FBXL3: variants seen among roughly 807,000 people sequenced by gnomAD.
FBXL3 encodes the protein F-box and leucine rich repeat protein 3, also known as F-box/LRR-repeat protein 3.
FBXL3 carries 14 observed loss-of-function variants against 37.9 expected under a neutral mutation model. That is an observed-to-expected ratio of 0.37 (90% CI 0.24 to 0.58). The LOEUF (loss-of-function observed/expected upper bound fraction) is 0.58, where lower values mean the gene tolerates loss of function less well. FBXL3 is among the 20% of genes least tolerant of loss of function. The pLI is 0.74. For synonymous variants in FBXL3, 194 were observed against 180.1 expected, an observed-to-expected ratio of 1.08 and a Z score of -0.62; for missense variants, 327 against 511.1, an observed-to-expected ratio of 0.64 and a Z score of 3.47.
chr13:77,018,380 G>A (rs1438251658), intron 3 of FBXL3: 9 of 312,338 alleles, frequency 2.9e-5, no homozygotes, highest in Admixed American at 1.5e-4. Flanking sequence ...AGACGCCTCT[G>A]TAAATTTCTT....
intron 1 of FBXL3, 83 bp from the exon 2 acceptor site, chr13:77,021,944 A>G: frequency 9.0e-7 from 1 of 1,110,670 alleles, no homozygotes; most frequent in Non-Finnish European, 1.3e-6. Context: ...TGTCACTGAG[A>G]TGTGTGTTTA....
At chr13:77,025,108 A>T (rs1334742747) in intron 1 of FBXL3, among the ~76,000 whole-genome samples, 1 of 152,228 alleles carries the variant, frequency 6.6e-6, no homozygotes. Context: ...AATTTACATC[A>T]ATGGACCCTA....
intron 2 of FBXL3, 190 bp from the exon 3 acceptor site, chr13:77,018,912 C>CA: frequency 2.2e-6 from 1 of 454,902 alleles, no homozygotes; most frequent in Non-Finnish European, 3.6e-6. Flanking sequence ...ATCCACCCTC[C>CA]ACCCTCACCT....
intron 4 of FBXL3, chr13:77,008,816 G>C (rs1186989555): frequency 6.6e-6 from 1 of 152,192 alleles, no homozygotes; most frequent in Non-Finnish European, 1.5e-5. Flanking sequence ...GCCTCCCAAA[G>C]TGCTGGGATT....
intron 1 of FBXL3, 112 bp downstream of exon 1, chr13:77,026,715 G>GCCCCCGCGCC (rs2034846823): frequency 9.7e-6 from 1 of 102,950 alleles, no homozygotes; most frequent in Non-Finnish European, 2.0e-5. Flanking sequence ...GCGCGCCCCG[G>GCCCCCGCGCC]CCCCCGCGCC....
intron 1 of FBXL3, among the ~76,000 whole-genome samples, chr13:77,026,615 C>T (rs949040289): frequency 1.5e-4 from 23 of 151,880 alleles, no homozygotes; most frequent in Non-Finnish European, 3.1e-4. Flanking sequence ...TGTTTGGAAG[C>T]AGGCACGGCG....
intron 4 of FBXL3, chr13:77,015,146 TC>T (rs78270440): frequency 0.037 from 9,124 of 248,376 alleles, 282 homozygotes; most frequent in East Asian, 0.11. Flanking sequence ...CCTCATACTG[TC>T]CTTTCCTCTT....
intron 4 of FBXL3, chr13:77,014,943 G>A (rs2034617781): frequency 6.6e-6 from 1 of 152,108 alleles, no homozygotes; most frequent in Admixed American, 6.6e-5. Context: ...ATTCAACTTA[G>A]GAAAAACATC....
rs1325786299 is a variant in FBXL3 at position 77,007,021 on chromosome 13, A to G, written c.*124T>C. ...GTCTTCCGATAAACAATCTTTACAT[A>G]TACTGACTGAAGATATCAAATTTCT... On this transcript the variant is annotated 3_prime_UTR_variant, in exon 5 of 5. Transcript: ENST00000355619. 7 of 1,443,650 alleles carry G rather than the reference A, an allele frequency of 4.8e-6. No individual in the cohort carries two copies. Among genetic ancestry groups the G allele is most frequent in the Non-Finnish European group, 5.4e-6 (6 of 1,105,014 alleles). The allele number at this position is 1,443,650 out of a possible 1,614,324, so 89.4% of individuals were successfully genotyped here. A position where few individuals can be genotyped will look rare whatever the true frequency, so the allele number is the denominator to read the frequency against.
At chr13:77,010,462 T>C (rs1280163568) in intron 4 of FBXL3, 2 of 152,200 alleles carry the variant, frequency 1.3e-5, no homozygotes, top group African/African-American at 2.4e-5. Context: ...CAGCTGAGCA[T>C]ATAAAAGATT....
intron 1 of FBXL3, 110 bp from the exon 2 acceptor site, chr13:77,021,971 G>A: frequency 2.2e-5 from 18 of 821,826 alleles, no homozygotes; most frequent in East Asian, 7.6e-5. Flanking sequence ...CAAACATGCA[G>A]GAAAAACTGG....
chr13:77,013,868 T>C (rs1408060428), intron 4 of FBXL3: 1 of 152,188 alleles, frequency 6.6e-6, no homozygotes, highest in Non-Finnish European at 1.5e-5. Context: ...CAAGTAAGCT[T>C]ATACTATACT....
chr13:77,012,646 T>C (rs1044798297), intron 4 of FBXL3, among the ~76,000 whole-genome samples: 2 of 152,186 alleles, frequency 1.3e-5, no homozygotes, highest in East Asian at 1.9e-4. Flanking sequence ...GTGAGGAAAG[T>C]AGAATACAGT....
At chr13:77,019,503 G>A (rs2034703870) in intron 2 of FBXL3, among the ~76,000 whole-genome samples, 2 of 152,144 alleles carry the variant, frequency 1.3e-5, no homozygotes, top group Admixed American at 1.3e-4. Context: ...TAAAACTAAT[G>A]TGCTAATTAT....
At chr13:77,009,937 G>C (rs2034518606) in intron 4 of FBXL3, 1 of 152,238 alleles carries the variant, frequency 6.6e-6, no homozygotes. Flanking sequence ...AAAGGGATGA[G>C]TTCATGTCCT....
intron 1 of FBXL3, among the ~76,000 whole-genome samples, chr13:77,023,341 AGAGAGT>A (rs1336852197): frequency 3.6e-5 from 5 of 139,676 alleles, no homozygotes; most frequent in African/African-American, 8.7e-5. Context: ...ATGGAGAGAG[AGAGAGT>A]GTGTGTGTGT....
At chr13:77,020,359 G>C (rs186994634) in intron 2 of FBXL3, among the ~76,000 whole-genome samples, 32 of 152,250 alleles carry the variant, frequency 2.1e-4, no homozygotes, top group African/African-American at 7.2e-4. Flanking sequence ...CCTTTGTGCA[G>C]TTTTCTGGGA....
rs2034432970 is a variant in FBXL3 at position 77,005,390 on chromosome 13, G to A, written c.*1755C>T. 6.6e-6 allele frequency: 1 copy of A among 152,480 alleles called. No individual in the cohort carries two copies. The highest frequency in any genetic ancestry group is 2.1e-4 in the South Asian group (1 of 4,826). 9.4% of individuals were successfully genotyped at this position (152,480 alleles called of 1,614,324 possible). Reference sequence around the variant, plus strand: ...TTTTAAGCATTATATAATTCAATTTGTACAAAAAGTAAATTTCCAAATACA... The same window carrying A: ...TTTTAAGCATTATATAATTCAATTTATACAAAAAGTAAATTTCCAAATACA... On this transcript the variant is annotated 3_prime_UTR_variant, in exon 5 of 5. Transcript: ENST00000355619.
At chr13:77,013,807 G>C (rs2034596620) in intron 4 of FBXL3, 1 of 152,088 alleles carries the variant, frequency 6.6e-6, no homozygotes, top group Admixed American at 6.5e-5. Flanking sequence ...GGTTCTGTCT[G>C]GGCAACGGAC....
Sources: gnomAD v4.1 joint callset for allele counts (sites outside exome capture counted in the v4.1 genomes callset) on GRCh38, gnomAD v4.1.1 for gene constraint, MANE v1.5 for transcripts, NCBI Gene and HGNC (gene_info 2026-07-23, HGNC 2026-07-21) for gene names.